PCDH15: variants seen among roughly 807,000 people sequenced by gnomAD.
PCDH15 encodes protocadherin related 15, also known as protocadherin-15.
A neutral mutation model predicts 178.5 loss-of-function variants in PCDH15; 129 were observed. The observed-to-expected ratio is 0.72, with a 90% CI of 0.63 to 0.84. The LOEUF (loss-of-function observed/expected upper bound fraction) is 0.84. PCDH15 is among the 40% of genes least tolerant of loss of function. The pLI is 0.00. For missense variants in PCDH15, 2,230 were observed against 2,099.9 expected (o/e 1.06, Z -1.21); for synonymous variants, 800 against 732.0 (o/e 1.09, Z -1.50).
chr10:55,404,625 T>C (rs943001313), intron 2 of PCDH15, among the ~76,000 whole-genome samples: 1 of 151,900 alleles, frequency 6.6e-6, no homozygotes, highest in Non-Finnish European at 1.5e-5. Flanking sequence ...GCTGGGGATA[T>C]TGTGTATATC....
chr10:53,826,429 T>C (rs1452826543), intron 32 of PCDH15, among the ~76,000 whole-genome samples: 1 of 152,064 alleles, frequency 6.6e-6, no homozygotes, highest in Non-Finnish European at 1.5e-5. Context: ...TTTTAGGCTT[T>C]TCTTATTGCT....
intron 8 of PCDH15, among the ~76,000 whole-genome samples, chr10:54,312,402 C>T (rs1245493980): frequency 2.0e-5 from 3 of 152,016 alleles, no homozygotes; most frequent in Admixed American, 2.0e-4. Context: ...TTTTCTTTTC[C>T]ATATGCTCTT....
chr10:54,059,844 A>T (rs1433254698), intron 18 of PCDH15, among the ~76,000 whole-genome samples: 1 of 152,226 alleles, frequency 6.6e-6, no homozygotes, highest in African/African-American at 2.4e-5. Flanking sequence ...AAGTAATTCA[A>T]ATATGTACAA....
chr10:54,034,628 A>G (rs974452744), intron 18 of PCDH15, among the ~76,000 whole-genome samples: 1 of 60,238 alleles, frequency 1.7e-5, no homozygotes, highest in African/African-American at 4.1e-5. Context: ...ACTGCATTCA[A>G]AGAGCTAAGA....
chr10:55,056,305 C>T, intron 2 of PCDH15, among the ~76,000 whole-genome samples: 1 of 152,118 alleles, frequency 6.6e-6, no homozygotes, highest in South Asian at 2.1e-4. Flanking sequence ...GATTTCATCT[C>T]AAAATACTCT....
intron 1 of PCDH15, among the ~76,000 whole-genome samples, chr10:54,795,964 A>T (rs908061021): frequency 1.3e-5 from 2 of 151,858 alleles, no homozygotes; most frequent in African/African-American, 2.4e-5. Context: ...ATGTATGTGA[A>T]TTACATCCTT....
intron 32 of PCDH15, chr10:53,823,868 A>T: frequency 2.3e-6 from 1 of 443,336 alleles, no homozygotes; most frequent in South Asian, 1.6e-5. Flanking sequence ...CCAAATTAAG[A>T]GAATTAAAAT....
At chr10:54,265,467 T>A (rs933019068) in intron 8 of PCDH15, among the ~76,000 whole-genome samples, 1 of 149,784 alleles carries the variant, frequency 6.7e-6, no homozygotes, top group African/African-American at 2.5e-5. Context: ...TTAAAAGACA[T>A]AGAGTGGTGA....
In PCDH15 at chr10:54,255,905, T is replaced by C. The variant is rs538747955; in HGVS notation, c.877-18974A>G. 1.8e-4 allele frequency among the ~76,000 whole-genome samples: 27 copies of C among 152,270 alleles called. 1 individual carries two copies. Among genetic ancestry groups the C allele is most frequent in the Non-Finnish European group, 2.5e-4 (17 of 68,006 alleles). On this transcript the variant is annotated intron_variant, in intron 8 of 37. Transcript: ENST00000644397. ...CCCTAGAGAAAAAGACGCCTCAGCA[T>C]AGGTGCAAATTTCATAGATGTTAAA...
chr10:55,340,238 T>C (rs1055173636), intron 2 of PCDH15, among the ~76,000 whole-genome samples: 1 of 150,928 alleles, frequency 6.6e-6, no homozygotes, highest in Non-Finnish European at 1.5e-5. Flanking sequence ...CATACTAATG[T>C]AATATATACA....
chr10:55,201,866 T>C (rs1264930215), intron 1 of PCDH15, among the ~76,000 whole-genome samples: 5 of 152,188 alleles, frequency 3.3e-5, no homozygotes, highest in South Asian at 2.1e-4. Flanking sequence ...TACTTTACAA[T>C]GTGCTTTTTT....
At position 55,465,411 on chromosome 10, in the gene PCDH15, A is replaced by G. The variant is rs147703731; in HGVS notation, c.-156+162214T>C. Among the ~76,000 whole-genome samples the G allele has an allele frequency of 1.2e-3, 188 of 152,278 alleles. 2 individuals carry two copies. The highest frequency in any genetic ancestry group is 4.3e-3 in the African/African-American group (178 of 41,560). Reference sequence around the variant, plus strand: ...GTGTATTGTACTGGAGATTAGCCAGAGAGAGTACTGGTGTGTACTGCAGTG... The same window carrying G: ...GTGTATTGTACTGGAGATTAGCCAGGGAGAGTACTGGTGTGTACTGCAGTG... On this transcript the variant is annotated intron_variant, in intron 2 of 5. Coordinates refer to the PCDH15 transcript ENST00000613346.
chr10:54,827,160 G>A lies in PCDH15; in HGVS notation c.-29+70290C>T, dbSNP rs1259600630. Among the ~76,000 whole-genome samples, 6 of 152,180 alleles carry A rather than the reference G, an allele frequency of 3.9e-5. No individual in the cohort carries two copies. In the East Asian group the frequency reaches 1.2e-3, roughly 29 times the overall value. On this transcript the variant is annotated intron_variant, in intron 3 of 5. Transcript: ENST00000458638. ...AGTTCACCTCTGGATGACAGTGGCT[G>A]CTCTAACAGGACAGTGATGTCAACA... is the stretch of plus-strand genomic sequence containing the variant.
At chr10:54,155,330 C>G (rs188955450) in intron 13 of PCDH15, among the ~76,000 whole-genome samples, 4 of 152,168 alleles carry the variant, frequency 2.6e-5, no homozygotes, top group African/African-American at 7.2e-5. Context: ...ACACAGGAGA[C>G]AGAAACACCC....
In PCDH15 at chr10:54,923,800, G is replaced by T. The variant is rs1403557626; in HGVS notation, c.-79-26300C>A. Among the ~76,000 whole-genome samples the T allele has an allele frequency of 2.2e-5, 3 of 137,878 alleles. 1 individual carries two copies. Among genetic ancestry groups the T allele is most frequent in the Non-Finnish European group, 5.1e-5 (3 of 59,352 alleles). 90.5% of individuals were successfully genotyped at this position (137,878 alleles called of 152,430 possible). A position where few individuals can be genotyped will look rare whatever the true frequency, so the allele number is the denominator to read the frequency against. ...CCACATAACTATCAGTATTTTGTGT[G>T]CAACAATTTAAAATGTCTCTAGAAG... On this transcript the variant is annotated intron_variant, in intron 2 of 5. Coordinates refer to the PCDH15 transcript ENST00000458638.
At chr10:54,359,570 T>C (rs1338578492) in intron 5 of PCDH15, among the ~76,000 whole-genome samples, 1 of 151,936 alleles carries the variant, frequency 6.6e-6, no homozygotes, top group African/African-American at 2.4e-5. Flanking sequence ...ATAAGAAAAA[T>C]AATGTTTAAA....
intron 1 of PCDH15, among the ~76,000 whole-genome samples, chr10:55,193,994 C>T (rs1840014292): frequency 6.6e-6 from 1 of 151,924 alleles, no homozygotes. Context: ...TGCATGTATG[C>T]TTCCAGTGCA....
intron 2 of PCDH15, among the ~76,000 whole-genome samples, chr10:55,376,347 A>G (rs1343989609): frequency 1.3e-5 from 2 of 152,074 alleles, no homozygotes; most frequent in Non-Finnish European, 2.9e-5. Flanking sequence ...GAAAACTGAG[A>G]CTTCAAAAGA....
At position 54,307,065 on chromosome 10, in the gene PCDH15, T is replaced by C. The variant is rs1428333324; in HGVS notation, c.876+10206A>G. Among the ~76,000 whole-genome samples the C allele has an allele frequency of 4.9e-3, 46 of 9,446 alleles. 2 individuals carry two copies. Among genetic ancestry groups the C allele is most frequent in the South Asian group, 0.012 (3 of 258 alleles). 6.2% of individuals were successfully genotyped at this position (9,446 alleles called of 152,430 possible). On this transcript the variant is annotated intron_variant, in intron 8 of 37. Transcript: ENST00000644397. ...GTATATATATATATATATATATATA[T>C]ATATATATATATATACATATATATA...
Sources: allele counts gnomAD v4.1 joint callset (sites outside exome capture counted in the v4.1 genomes callset), GRCh38; gene constraint gnomAD v4.1.1; transcripts MANE v1.5; gene names NCBI Gene and HGNC (gene_info 2026-07-23, HGNC 2026-07-21).